INPP4B: variants seen among roughly 807,000 people sequenced by gnomAD.
INPP4B encodes the protein inositol polyphosphate-4-phosphatase type II B, also known as inositol polyphosphate 4-phosphatase type II.
A neutral mutation model predicts 122.5 loss-of-function variants in INPP4B; 55 were observed. The ratio of observed to expected loss-of-function variants is 0.45; its 90% CI spans 0.36 to 0.56. INPP4B has a LOEUF of 0.56. INPP4B is among the 20% of genes least tolerant of loss of function. The pLI, the probability that INPP4B is intolerant of heterozygous loss-of-function variation, is 0.00. For missense variants in INPP4B, 1,000 were observed against 1,097.7 expected (o/e 0.91, Z 1.26); for synonymous variants, 403 against 388.7 (o/e 1.04, Z -0.43).
chr4:142,093,943 T>C (rs956328257), intron 23 of INPP4B, among the ~76,000 whole-genome samples: 1 of 152,190 alleles, frequency 6.6e-6, no homozygotes, highest in Non-Finnish European at 1.5e-5. Context: ...CAAAGCAATA[T>C]ATTAAAAATT....
At chr4:142,149,556 A>C (rs1308601416) in intron 17 of INPP4B, among the ~76,000 whole-genome samples, 2 of 152,168 alleles carry the variant, frequency 1.3e-5, no homozygotes, top group African/African-American at 4.8e-5. Context: ...AGAAAAAAAA[A>C]CAAAAACAAA....
chr4:142,536,478 A>C (rs1239609528), intron 2 of INPP4B, among the ~76,000 whole-genome samples: 1 of 152,150 alleles, frequency 6.6e-6, no homozygotes. Context: ...TATCATCATC[A>C]TTTTCTGTCT....
intron 14 of INPP4B, among the ~76,000 whole-genome samples, chr4:142,207,618 T>C (rs1843091794): frequency 6.6e-6 from 1 of 152,110 alleles, no homozygotes; most frequent in Non-Finnish European, 1.5e-5. Flanking sequence ...ATTAGTCGTT[T>C]ACACGGGGAG....
intron 2 of INPP4B, among the ~76,000 whole-genome samples, chr4:142,662,091 C>A (rs1458434219): frequency 1.3e-5 from 2 of 151,934 alleles, no homozygotes; most frequent in African/African-American, 4.8e-5. Context: ...CAAAATTAAC[C>A]GGGCGTGGTG....
intron 24 of INPP4B, among the ~76,000 whole-genome samples, 188 bp from the exon 25 acceptor site, chr4:142,082,373 A>G (rs2667118): frequency 0.9 from 136,244 of 152,128 alleles, 62,344 homozygotes; most frequent in Non-Finnish European, 0.98. Flanking sequence ...AAAAGCCAAC[A>G]CAATGGACCC....
intron 2 of INPP4B, among the ~76,000 whole-genome samples, chr4:142,636,754 T>G (rs1456910394): frequency 6.6e-6 from 1 of 152,150 alleles, no homozygotes; most frequent in Non-Finnish European, 1.5e-5. Context: ...ATTCACATAC[T>G]TTAGTCCATT....
At position 142,327,786 on chromosome 4, in the gene INPP4B, C is replaced by T. The variant is rs187363876; in HGVS notation, c.373-13024G>A. On this transcript the variant is annotated intron_variant, in intron 7 of 25. Coordinates refer to ENST00000262992, the MANE Select transcript of INPP4B (RefSeq NM_001101669.3). ...ACAACCCTGTGAGAAAACTGAGGCT[C>T]AACCTTTAACTTTCAACCTGTAAAA... Among the ~76,000 whole-genome samples the T allele has an allele frequency of 5.1e-4, 78 of 152,278 alleles. 1 individual carries two copies. Among genetic ancestry groups the T allele is most frequent in the African/African-American group, 1.7e-3 (72 of 41,568 alleles).
chr4:142,513,101 T>A (rs1197053091), intron 2 of INPP4B, among the ~76,000 whole-genome samples: 2 of 152,170 alleles, frequency 1.3e-5, no homozygotes, highest in African/African-American at 4.8e-5. Context: ...ACAGGGCACT[T>A]CAAGAGCTTC....
intron 2 of INPP4B, among the ~76,000 whole-genome samples, chr4:142,588,382 A>T (rs10014555): frequency 0.014 from 2,142 of 151,864 alleles, 40 homozygotes; most frequent in African/African-American, 0.041. Flanking sequence ...GTTGTAAATG[A>T]CATGACTTAT....
At chr4:142,347,781 A>C (rs1412337294) in intron 7 of INPP4B, among the ~76,000 whole-genome samples, 1 of 151,908 alleles carries the variant, frequency 6.6e-6, no homozygotes, top group African/African-American at 2.4e-5. Context: ...TTTTTTCTGA[A>C]TTTAGGTGCA....
intron 1 of INPP4B, among the ~76,000 whole-genome samples, chr4:142,744,100 G>C (rs79378130): frequency 0.025 from 3,747 of 151,942 alleles, 58 homozygotes; most frequent in Middle Eastern, 0.095. Context: ...AAGAACAGAT[G>C]ATGACTCTCA....
intron 2 of INPP4B, among the ~76,000 whole-genome samples, chr4:142,697,953 A>G (rs1761237215): frequency 1.3e-5 from 2 of 152,210 alleles, no homozygotes; most frequent in Non-Finnish European, 2.9e-5. Context: ...TCAAATTCCT[A>G]GAATACTGAA....
intron 7 of INPP4B, among the ~76,000 whole-genome samples, chr4:142,372,657 C>A (rs909703182): frequency 1.3e-5 from 2 of 152,080 alleles, no homozygotes; most frequent in Admixed American, 6.6e-5. Context: ...GGTCTTATTT[C>A]ATTTCCAGTA....
chr4:142,294,965 G>A (rs914129406), intron 9 of INPP4B, among the ~76,000 whole-genome samples: 1 of 151,474 alleles, frequency 6.6e-6, no homozygotes, highest in Non-Finnish European at 1.5e-5. Context: ...GGAAGGGAAA[G>A]AGGACATATA....
chr4:142,159,968 A>C, intron 17 of INPP4B, among the ~76,000 whole-genome samples: 1 of 152,088 alleles, frequency 6.6e-6, no homozygotes, highest in South Asian at 2.1e-4. Flanking sequence ...TTCCAGAACC[A>C]AAACACTGGA....
chr4:142,297,583 AC>A (rs539179178), intron 9 of INPP4B, among the ~76,000 whole-genome samples: 118 of 152,184 alleles, frequency 7.8e-4, no homozygotes, highest in African/African-American at 2.7e-3. Flanking sequence ...TTCCTACTTC[AC>A]CTTTTGCCGT....
chr4:142,405,213 A>G lies in INPP4B; in HGVS notation c.248T>C (p.Ile83Thr). The change falls in exon 6 of 26, where the codon ATT (isoleucine) becomes ACT (threonine). Residue 83 changes from isoleucine to threonine, a missense_variant. Transcript: ENST00000262992. ...QSLTRYSSTE[I>T]VEGTRDPLFL... Reference sequence around the variant, plus strand: ...AGGCACACAGCATCTCACCTCCACAATTTCGGTGCTGGAGTATCTTGTCAG... The same window carrying G: ...AGGCACACAGCATCTCACCTCCACAGTTTCGGTGCTGGAGTATCTTGTCAG... 1 of 1,588,128 alleles carries G rather than the reference A, an allele frequency of 6.3e-7. No individual in the cohort carries two copies. Among genetic ancestry groups the G allele is most frequent in the Non-Finnish European group, 8.6e-7 (1 of 1,156,714 alleles).
intron 2 of INPP4B, among the ~76,000 whole-genome samples, chr4:142,722,211 T>G (rs567921413): frequency 8.5e-5 from 13 of 152,274 alleles, no homozygotes; most frequent in Non-Finnish European, 1.9e-4. Flanking sequence ...GTGAATGTAG[T>G]GTAGGCTGGC....
intron 1 of INPP4B, among the ~76,000 whole-genome samples, chr4:142,819,810 G>T (rs1387186853): frequency 6.6e-6 from 1 of 151,956 alleles, no homozygotes; most frequent in Non-Finnish European, 1.5e-5. Flanking sequence ...GGTTCATAGG[G>T]CTCATAGCCA....
Sources: gnomAD v4.1 joint callset for allele counts (sites outside exome capture counted in the v4.1 genomes callset) on GRCh38, gnomAD v4.1.1 for gene constraint, MANE v1.5 for transcripts, NCBI Gene and HGNC (gene_info 2026-07-23, HGNC 2026-07-21) for gene names.